CAPZB: variants seen among roughly 807,000 people sequenced by gnomAD.
The protein encoded by CAPZB is F-actin-capping protein subunit beta.
In CAPZB, 2 loss-of-function variants were observed where a neutral mutation model predicts 38.1. That is an observed-to-expected ratio of 0.05 (90% CI 0.02 to 0.17). The LOEUF (loss-of-function observed/expected upper bound fraction) is 0.17. Ranked by LOEUF, CAPZB falls within the 10% of genes least tolerant of loss-of-function variation. The pLI is 1.00. For missense variants in CAPZB, 161 were observed against 334.2 expected, an observed-to-expected ratio of 0.48 and a Z score of 4.04; for synonymous variants, 107 against 127.4, an observed-to-expected ratio of 0.84 and a Z score of 1.08.
intron 1 of CAPZB, among the ~76,000 whole-genome samples, chr1:19,430,757 C>A (rs769865491): frequency 6.6e-6 from 1 of 152,172 alleles, no homozygotes; most frequent in Non-Finnish European, 1.5e-5. Flanking sequence ...CTTGCTGATC[C>A]CTGAGCCGTG....
rs192674510 is a variant in CAPZB, at chr1:19,453,481, G to A, written c.3+31955C>T. Reference sequence around the variant, plus strand: ...TCACCATGTTGGCCAGGCTGGACTCGAACTCCTGACCTCAGGTGATCTACC... The same window carrying A: ...TCACCATGTTGGCCAGGCTGGACTCAAACTCCTGACCTCAGGTGATCTACC... On this transcript the variant is annotated intron_variant, in intron 1 of 8. Transcript: ENST00000264202. 1.9e-3 allele frequency among the ~76,000 whole-genome samples: 295 copies of A among 152,048 alleles called. 1 individual carries two copies. Among genetic ancestry groups the A allele is most frequent in the Non-Finnish European group, 2.9e-3 (195 of 67,964 alleles).
intron 3 of CAPZB, among the ~76,000 whole-genome samples, chr1:19,380,850 C>G (rs562936478): frequency 6.6e-6 from 1 of 151,924 alleles, no homozygotes; most frequent in Non-Finnish European, 1.5e-5. Flanking sequence ...CTCAACTACA[C>G]GCTCATTAAA....
At chr1:19,371,225 C>CT (rs1558194286) in intron 4 of CAPZB, among the ~76,000 whole-genome samples, 1 of 152,232 alleles carries the variant, frequency 6.6e-6, no homozygotes, top group Non-Finnish European at 1.5e-5. Flanking sequence ...CATCCCGAAA[C>CT]TACGGCCTTC....
rs1368186084 is a variant in CAPZB at position 19,453,984 on chromosome 1, AGCGTCT to A, written c.3+31446_3+31451del. The stretch of plus-strand genomic sequence containing the variant: ...GACTCACGCCCAGGCAGCCAGCTGC[AGCGTCT>A]GCAATTTCAACCCTCCCCTAAGTGC... On this transcript the variant is annotated intron_variant, in intron 1 of 8. Coordinates refer to ENST00000264202, the MANE Select transcript of CAPZB (RefSeq NM_004930.5). Among the ~76,000 whole-genome samples the A allele has an allele frequency of 1.2e-4, 19 of 152,342 alleles. 1 individual carries two copies. Among genetic ancestry groups the A allele is most frequent in the African/African-American group, 3.8e-4 (16 of 41,570 alleles).
At chr1:19,474,665 A>C (rs766994699) in intron 1 of CAPZB, among the ~76,000 whole-genome samples, 2 of 152,154 alleles carry the variant, frequency 1.3e-5, no homozygotes, top group Non-Finnish European at 2.9e-5. Context: ...GTAGAAGCTG[A>C]GAGTGCCTAG....
chr1:19,414,806 G>A (rs1466728523), intron 2 of CAPZB, among the ~76,000 whole-genome samples: 4 of 152,182 alleles, frequency 2.6e-5, no homozygotes, highest in Non-Finnish European at 4.4e-5. Context: ...ATGATTCTTG[G>A]CCCTCATGGA....
intron 2 of CAPZB, among the ~76,000 whole-genome samples, chr1:19,409,901 G>C (rs9287046): frequency 0.23 from 34,722 of 152,114 alleles, 4,334 homozygotes; most frequent in East Asian, 0.46. Flanking sequence ...TTGCTCTCTG[G>C]GTCTTTCATG....
chr1:19,439,738 C>A (rs1029086682), intron 1 of CAPZB, among the ~76,000 whole-genome samples: 1 of 152,266 alleles, frequency 6.6e-6, no homozygotes, highest in Non-Finnish European at 1.5e-5. Flanking sequence ...CTGTGTCCTG[C>A]ACATGGCACG....
chr1:19,474,460 C>T (rs4912105), intron 1 of CAPZB, among the ~76,000 whole-genome samples: 133,533 of 151,580 alleles, frequency 0.88, 60,450 homozygotes, highest in East Asian at 1. Context: ...AGGCTCCTTT[C>T]GCTATACTAC....
chr1:19,345,672 G>A (rs564589521), intron 6 of CAPZB, among the ~76,000 whole-genome samples: 1 of 152,274 alleles, frequency 6.6e-6, no homozygotes, highest in Non-Finnish European at 1.5e-5. Context: ...TGCAGGGGAA[G>A]CTTCTGTGCT....
chr1:19,479,802 CCA>C (rs1198530863), intron 1 of CAPZB, among the ~76,000 whole-genome samples: 1 of 152,202 alleles, frequency 6.6e-6, no homozygotes, highest in Non-Finnish European at 1.5e-5. Flanking sequence ...TTCACTGGCT[CCA>C]CACTGTCCCA....
rs1467795069 is a variant in CAPZB at position 19,348,915 on chromosome 1, C to T, written c.589-3663G>A. Among the ~76,000 whole-genome samples the T allele has an allele frequency of 2.6e-5, 4 of 152,266 alleles. No individual in the cohort carries two copies. In the South Asian group the frequency reaches 6.2e-4, roughly 24 times the overall value. On this transcript the variant is annotated intron_variant, in intron 6 of 8. Transcript: ENST00000264202. ...GGGAGAGAAATGCTAGAAAGACCGG[C>T]TTCTCTGCTCCCATCTGTCTTGGCA... is the stretch of plus-strand genomic sequence containing the variant.
At chr1:19,441,320 G>C (rs12407089) in intron 1 of CAPZB, among the ~76,000 whole-genome samples, 46,149 of 151,994 alleles carry the variant, frequency 0.3, 7,382 homozygotes, top group Middle Eastern at 0.38. Flanking sequence ...CGTTTGCTTG[G>C]GGACATTTCT....
chr1:19,343,799 G>A (rs942765434), intron 8 of CAPZB, among the ~76,000 whole-genome samples: 11 of 152,254 alleles, frequency 7.2e-5, no homozygotes, highest in Non-Finnish European at 1.0e-4. Flanking sequence ...GGATGGTGCA[G>A]GACACTGGCC....
chr1:19,418,136 CAAAAAAAAAAAAAAAA>C (rs59390448), intron 2 of CAPZB, among the ~76,000 whole-genome samples: 1,320 of 35,442 alleles, frequency 0.037, 46 homozygotes, highest in African/African-American at 0.12. Context: ...ACTCTGTCAC[CAAAAAAAAAAAAAAAA>C]AAAAAAAAAA....
intron 6 of CAPZB, among the ~76,000 whole-genome samples, chr1:19,353,001 G>A (rs542143137): frequency 5.9e-5 from 9 of 152,364 alleles, no homozygotes; most frequent in Admixed American, 2.0e-4. Flanking sequence ...GGACCCCTGC[G>A]AGGTGCCAGC....
chr1:19,403,606 G>A (rs987371821), intron 2 of CAPZB, among the ~76,000 whole-genome samples: 11 of 152,358 alleles, frequency 7.2e-5, no homozygotes, highest in South Asian at 6.2e-4. Flanking sequence ...GACATTATCC[G>A]AAGTGCATTT....
intron 1 of CAPZB, among the ~76,000 whole-genome samples, chr1:19,467,420 G>A (rs1372536952): frequency 1.3e-5 from 2 of 152,088 alleles, no homozygotes; most frequent in African/African-American, 2.4e-5. Flanking sequence ...TGAGGAGTGA[G>A]GCCCCCACAG....
intron 1 of CAPZB, among the ~76,000 whole-genome samples, chr1:19,456,201 C>G (rs1390525007): frequency 6.6e-6 from 1 of 152,216 alleles, no homozygotes; most frequent in Non-Finnish European, 1.5e-5. Context: ...TGTGAACCAC[C>G]AGGCCCGGTC....
Sources: allele counts gnomAD v4.1 joint callset (sites outside exome capture counted in the v4.1 genomes callset), GRCh38; gene constraint gnomAD v4.1.1; transcripts MANE v1.5; gene names NCBI Gene and HGNC (gene_info 2026-07-23, HGNC 2026-07-21).